The following CNKSR2 variants were observed in gnomAD, a reference collection of about 807,000 sequenced individuals.
The protein encoded by CNKSR2 is connector enhancer of kinase suppressor of Ras 2.
A neutral mutation model predicts 84.4 loss-of-function variants in CNKSR2; 14 were observed. That is an observed-to-expected ratio of 0.17 (90% CI 0.11 to 0.26). The LOEUF (loss-of-function observed/expected upper bound fraction) is 0.26. Among genes scored for constraint, CNKSR2 ranks in the 10% least tolerant of loss-of-function variants. CNKSR2 has a pLI of 1.00. For missense variants in CNKSR2, 485 were observed against 771.2 expected (o/e 0.63, Z 4.40); for synonymous variants, 275 against 277.9 (o/e 0.99, Z 0.10).
chrX:21,590,676 A>G (rs1194901708), intron 14 of CNKSR2, 56 bp downstream of exon 14: 4 of 1,104,993 alleles, frequency 3.6e-6, no homozygotes, highest in Admixed American at 4.5e-5. Flanking sequence ...ATAATCCCCA[A>G]CACACTTCAT....
rs142601149 is a variant in CNKSR2, at chrX:21,612,694, G to C, written c.2692+3077G>C. Among the ~76,000 whole-genome samples the C allele has an allele frequency of 1.9e-3, 207 of 111,758 alleles. 2 individuals carry two copies. The South Asian group carries it at 0.044, about 24-fold the overall frequency. Reference sequence around the variant, plus strand: ...TATCTTACCTTATATCACAATATATGTTATATAGTGCTTATGAGCTTACAG... The same window carrying C: ...TATCTTACCTTATATCACAATATATCTTATATAGTGCTTATGAGCTTACAG... On this transcript the variant is annotated intron_variant, in intron 20 of 21. Transcript: ENST00000379510.
At chrX:21,395,494 C>T (rs1277683874) in intron 1 of CNKSR2, among the ~76,000 whole-genome samples, 1 of 110,123 alleles carries the variant, frequency 9.1e-6, no homozygotes, top group Non-Finnish European at 1.9e-5. Context: ...CGGCTCTGAG[C>T]CATTCATAAC....
At chrX:21,480,330 A>G (rs1279856787) in intron 5 of CNKSR2, among the ~76,000 whole-genome samples, 2 of 112,132 alleles carry the variant, frequency 1.8e-5, no homozygotes, top group African/African-American at 6.5e-5. Flanking sequence ...GTATATATAT[A>G]GTGCCTTAAA....
chrX:21,386,122 T>C (rs1178520972), intron 1 of CNKSR2, among the ~76,000 whole-genome samples: 1 of 109,830 alleles, frequency 9.1e-6, no homozygotes, highest in South Asian at 3.9e-4. Context: ...TGGTGCCTGA[T>C]AATAGACATT....
At chrX:21,589,425 C>T (rs1226631778) in intron 13 of CNKSR2, among the ~76,000 whole-genome samples, 1 of 111,517 alleles carries the variant, frequency 9.0e-6, no homozygotes, top group Non-Finnish European at 1.9e-5. Context: ...TCCAGTTGCC[C>T]CTTATAGATA....
At chrX:21,545,488 G>A (rs1334717068) in intron 11 of CNKSR2, among the ~76,000 whole-genome samples, 1 of 112,149 alleles carries the variant, frequency 8.9e-6, no homozygotes, top group Non-Finnish European at 1.9e-5. Flanking sequence ...GGCTGTGGGT[G>A]CAGCTTCGGC....
chrX:21,541,713 G>C (rs993533722), intron 11 of CNKSR2, among the ~76,000 whole-genome samples: 1 of 111,447 alleles, frequency 9.0e-6, no homozygotes, highest in Non-Finnish European at 1.9e-5. Context: ...GCATTTAAAA[G>C]CATTAATCTA....
Position 21,609,400 on chromosome X carries a change from C to A in CNKSR2, c.2475C>A (p.Pro825=). 1 of 1,211,662 alleles carries A rather than the reference C, an allele frequency of 8.3e-7. No individual in the cohort carries two copies. Among genetic ancestry groups the A allele is most frequent in the Non-Finnish European group, 1.1e-6 (1 of 895,518 alleles). The change falls in exon 20 of 22, where the codon CCC becomes CCA. Residue 825 remains proline, a synonymous_variant. Transcript: ENST00000379510. ...TGCAGGATCACTATGGGCCATACCC[C>A]TTAGCTGAGAGTGAGAGGATGCAAG... The part of the protein sequence containing the change: ...CHLQDHYGPY[P]LAESERMQVL...
At chrX:21,648,770 T>C (rs780284806) in intron 20 of CNKSR2, 61 bp from the exon 21 acceptor site, 54 of 754,709 alleles carry the variant, frequency 7.2e-5, no homozygotes, top group South Asian at 6.1e-4. Context: ...TCATTTCTCT[T>C]TCTCTCTCTC....
intron 4 of CNKSR2, among the ~76,000 whole-genome samples, chrX:21,453,908 T>C (rs997100659): frequency 9.0e-6 from 1 of 111,039 alleles, no homozygotes; most frequent in Non-Finnish European, 1.9e-5. Flanking sequence ...TCACTCACTA[T>C]CACAAGAACA....
At chrX:21,497,002 A>C (rs2091506628) in intron 6 of CNKSR2, among the ~76,000 whole-genome samples, 2 of 110,815 alleles carry the variant, frequency 1.8e-5, no homozygotes, top group Non-Finnish European at 3.8e-5. Flanking sequence ...TGAATCCCTT[A>C]TTGTGATTTT....
At chrX:21,555,707 ACTTTTTC>A (rs2092133914) in intron 11 of CNKSR2, among the ~76,000 whole-genome samples, 2 of 111,723 alleles carry the variant, frequency 1.8e-5, no homozygotes, top group Admixed American at 1.9e-4. Flanking sequence ...ATATGTGTAT[ACTTTTTC>A]TGAGACTCTA....
intron 8 of CNKSR2, among the ~76,000 whole-genome samples, chrX:21,510,381 G>A (rs2091659651): frequency 9.0e-6 from 1 of 111,381 alleles, no homozygotes. Flanking sequence ...TGGGTTGATA[G>A]GCTTAAATTC....
intron 15 of CNKSR2, chrX:21,593,310 T>C (rs182881662): frequency 1.6e-4 from 18 of 112,257 alleles, no homozygotes; most frequent in Admixed American, 1.4e-3. Flanking sequence ...TTAATACTAC[T>C]CTTTTTCATA....
intron 20 of CNKSR2, among the ~76,000 whole-genome samples, chrX:21,622,725 C>T (rs1307671643): frequency 9.0e-6 from 1 of 111,402 alleles, no homozygotes; most frequent in African/African-American, 3.2e-5. Flanking sequence ...AACATGAAAC[C>T]ATCAGGGTTT....
In CNKSR2 at chrX:21,609,523, C is replaced by G. The variant is rs1275438464; in HGVS notation, c.2598C>G (p.Asp866Glu). 4 of 1,208,220 alleles carry G rather than the reference C, an allele frequency of 3.3e-6. No individual in the cohort carries two copies. The highest frequency in any genetic ancestry group is 4.5e-6 in the Non-Finnish European group (4 of 894,774). The change falls in exon 20 of 22, where the codon GAC (aspartate) becomes GAG (glutamate). Residue 866 changes from aspartate to glutamate, a missense_variant. Coordinates refer to ENST00000379510, the MANE Select transcript of CNKSR2 (RefSeq NM_014927.5). The part of the protein sequence containing the change: ...CCLNAPVSAC[D>E]PQDDVQPPEV... ...TGAATGCTCCAGTTAGTGCCTGTGA[C>G]CCACAGGATGACGTGCAACCCCCAG...
chrX:21,480,650 GAGT>G (rs2091309419), intron 5 of CNKSR2, among the ~76,000 whole-genome samples: 1 of 111,591 alleles, frequency 9.0e-6, no homozygotes, highest in Admixed American at 9.5e-5. Context: ...TCAGAAGTGA[GAGT>G]AGTGGTGGAG....
intron 18 of CNKSR2, among the ~76,000 whole-genome samples, chrX:21,605,096 C>T (rs2147276045): frequency 9.0e-6 from 1 of 111,525 alleles, no homozygotes; most frequent in East Asian, 2.8e-4. Context: ...ATTATTAGAC[C>T]CCTTTTACAG....
Position 21,469,356 on chromosome X carries a change from A to G in CNKSR2, c.520-1410A>G, listed in dbSNP as rs764724208. 2.7e-5 allele frequency among the ~76,000 whole-genome samples: 3 copies of G among 111,786 alleles called. No homozygotes were observed. The South Asian group carries it at 1.1e-3, about 42-fold the overall frequency. On this transcript the variant is annotated intron_variant, in intron 4 of 21. Coordinates refer to ENST00000379510, the MANE Select transcript of CNKSR2 (RefSeq NM_014927.5). ...TTAAGTATTTCTGTGAATTTTGTAA[A>G]ATATACTTAAGTTTTATTTTTAAAA... is the stretch of plus-strand genomic sequence containing the variant.
Sources: allele counts gnomAD v4.1 joint callset (sites outside exome capture counted in the v4.1 genomes callset), GRCh38; gene constraint gnomAD v4.1.1; transcripts MANE v1.5; gene names NCBI Gene and HGNC (gene_info 2026-07-23, HGNC 2026-07-21).